Variants in TAFA2 observed in about 807,000 individuals in gnomAD.
The protein encoded by TAFA2 is TAFA chemokine like family member 2.
TAFA2 carries 7 observed loss-of-function variants against 18.8 expected under a neutral mutation model. The observed-to-expected ratio is 0.37, with a 90% CI of 0.21 to 0.70. The LOEUF (loss-of-function observed/expected upper bound fraction) is 0.70, where lower values mean the gene tolerates loss of function less well. TAFA2 is among the 30% of genes least tolerant of loss of function. The pLI is 0.53. For missense variants in TAFA2, 122 were observed against 158.1 expected, an observed-to-expected ratio of 0.77 and a Z score of 1.23; for synonymous variants, 60 against 54.2, an observed-to-expected ratio of 1.11 and a Z score of -0.47.
At chr12:62,079,048 A>G (rs139410504) in intron 1 of TAFA2, among the ~76,000 whole-genome samples, 1 of 152,290 alleles carries the variant, frequency 6.6e-6, no homozygotes, top group East Asian at 1.9e-4. Flanking sequence ...CTTTCTTTCT[A>G]AAGGACTCGA....
chr12:62,228,805 G>A (rs745979358), intron 1 of TAFA2, among the ~76,000 whole-genome samples: 4 of 151,978 alleles, frequency 2.6e-5, no homozygotes, highest in Non-Finnish European at 5.9e-5. Flanking sequence ...GAAAAATTTG[G>A]GTAGCATTGA....
chr12:62,250,785 G>A (rs1027090077), intron 1 of TAFA2, among the ~76,000 whole-genome samples: 1 of 152,102 alleles, frequency 6.6e-6, no homozygotes, highest in Non-Finnish European at 1.5e-5. Context: ...TCCTACAGAA[G>A]GAATGTACTT....
At chr12:61,778,340 T>G (rs1330456648) in intron 2 of TAFA2, among the ~76,000 whole-genome samples, 2 of 151,692 alleles carry the variant, frequency 1.3e-5, no homozygotes, top group Non-Finnish European at 2.9e-5. Context: ...CCCCAACTCT[T>G]GAGCTTATTA....
At chr12:62,089,559 A>G (rs1352956162) in intron 1 of TAFA2, among the ~76,000 whole-genome samples, 1 of 152,076 alleles carries the variant, frequency 6.6e-6, no homozygotes, top group Non-Finnish European at 1.5e-5. Flanking sequence ...ACATAAAGAA[A>G]GAGTGAGAGA....
intron 1 of TAFA2, among the ~76,000 whole-genome samples, chr12:62,066,126 C>CGT (rs3221978): frequency 0.29 from 41,820 of 145,142 alleles, 6,183 homozygotes; most frequent in African/African-American, 0.39. Context: ...CTGAAACAGC[C>CGT]GTGTGTGTGT....
At chr12:62,100,708 A>G (rs1179423235) in intron 1 of TAFA2, among the ~76,000 whole-genome samples, 1 of 152,230 alleles carries the variant, frequency 6.6e-6, no homozygotes, top group African/African-American at 2.4e-5. Flanking sequence ...CTCTGCATGC[A>G]GTGACTCACT....
intron 2 of TAFA2, among the ~76,000 whole-genome samples, chr12:61,851,053 C>T (rs1055486959): frequency 6.6e-6 from 1 of 152,122 alleles, no homozygotes; most frequent in African/African-American, 2.4e-5. Flanking sequence ...TATATTTATT[C>T]TAGACACTGT....
chr12:62,234,967 C>T (rs2062829906), intron 1 of TAFA2: 2 of 694,956 alleles, frequency 2.9e-6, no homozygotes, highest in South Asian at 2.7e-5. Flanking sequence ...ATGGTCGAGG[C>T]CAACAATGTT....
At chr12:62,003,296 C>A (rs1880440051) in intron 1 of TAFA2, among the ~76,000 whole-genome samples, 1 of 152,154 alleles carries the variant, frequency 6.6e-6, no homozygotes, top group East Asian at 1.9e-4. Flanking sequence ...CAAAGCCAGC[C>A]ATGAACCGCA....
At chr12:62,188,291 C>A (rs2062599255) in intron 1 of TAFA2, among the ~76,000 whole-genome samples, 1 of 152,122 alleles carries the variant, frequency 6.6e-6, no homozygotes, top group East Asian at 1.9e-4. Context: ...TTACTTGAAT[C>A]TTCAATGAAC....
intron 1 of TAFA2, among the ~76,000 whole-genome samples, chr12:62,242,933 G>A (rs1164578165): frequency 1.3e-5 from 2 of 152,236 alleles, no homozygotes; most frequent in African/African-American, 4.8e-5. Context: ...AAAACATTTT[G>A]TTAACAAAAG....
At chr12:62,151,126 A>T (rs1432250126) in intron 1 of TAFA2, among the ~76,000 whole-genome samples, 2 of 152,216 alleles carry the variant, frequency 1.3e-5, no homozygotes, top group African/African-American at 4.8e-5. Flanking sequence ...ACGTCTGTTC[A>T]AATTCACATC....
chr12:61,790,178 A>T (rs76514952), intron 2 of TAFA2, among the ~76,000 whole-genome samples: 2 of 24,894 alleles, frequency 8.0e-5, no homozygotes, highest in Non-Finnish European at 1.9e-4. Flanking sequence ...CCTTCATGAT[A>T]AAAAAAAAAA....
chr12:61,990,496 C>T (rs929467500), intron 1 of TAFA2, among the ~76,000 whole-genome samples: 1 of 151,876 alleles, frequency 6.6e-6, no homozygotes, highest in Non-Finnish European at 1.5e-5. Flanking sequence ...CCCGCCACCA[C>T]GTCCGGCTAA....
Position 62,059,157 on chromosome 12 carries a change from G to GTGTGTGTGTGTGTGTGTGTGTA in TAFA2, c.-2+132101_-2+132102insTACACACACACACACACACACA, listed in dbSNP as rs1555186761. Among the ~76,000 whole-genome samples, 8 of 150,602 alleles carry GTGTGTGTGTGTGTGTGTGTGTA rather than the reference G, an allele frequency of 5.3e-5. 1 individual carries two copies. The South Asian group carries it at 6.3e-4, about 12-fold the overall frequency. ...TGTGTATATGTGTGTGTGTGTGTGT[G>GTGTGTGTGTGTGTGTGTGTGTA]TGTGTGTGTGTGTATCTGAGTGTTC... On this transcript the variant is annotated intron_variant, in intron 1 of 4. Transcript: ENST00000416284.
intron 2 of TAFA2, among the ~76,000 whole-genome samples, chr12:61,793,387 GA>G (rs890751214): frequency 6.2e-5 from 9 of 145,770 alleles, no homozygotes; most frequent in South Asian, 2.1e-4. Context: ...AATGTTAGAA[GA>G]AAAAAAAAAC....
chr12:61,805,332 C>G (rs1871566068), intron 2 of TAFA2, among the ~76,000 whole-genome samples: 1 of 151,990 alleles, frequency 6.6e-6, no homozygotes, highest in South Asian at 2.1e-4. Flanking sequence ...GTGCCACACA[C>G]CAGTGAGATT....
Position 62,025,377 on chromosome 12 carries a change from A to G in TAFA2, c.-1-157951T>C, listed in dbSNP as rs1221824004. 2.0e-5 allele frequency among the ~76,000 whole-genome samples: 3 copies of G among 152,272 alleles called. No individual in the cohort carries two copies. In the East Asian group the frequency reaches 5.8e-4, roughly 29 times the overall value. ...CATCATACAATCTACCCAGGTAACA[A>G]AACTGCACATGTACCCCCAAATCAA... On this transcript the variant is annotated intron_variant, in intron 1 of 4. Transcript: ENST00000416284.
At chr12:61,938,766 T>G (rs1877877774) in intron 1 of TAFA2, among the ~76,000 whole-genome samples, 1 of 152,254 alleles carries the variant, frequency 6.6e-6, no homozygotes, top group Non-Finnish European at 1.5e-5. Context: ...GCAACTTGGA[T>G]AGAGCTAGAG....
Sources: gnomAD v4.1 joint callset for allele counts (sites outside exome capture counted in the v4.1 genomes callset) on GRCh38, gnomAD v4.1.1 for gene constraint, MANE v1.5 for transcripts, NCBI Gene and HGNC (gene_info 2026-07-23, HGNC 2026-07-21) for gene names.